The following PHF21B variants were observed in gnomAD, a reference collection of about 807,000 sequenced individuals.
PHF21B encodes PHD finger protein 4.
In PHF21B, 22 loss-of-function variants were observed where a neutral mutation model predicts 62.2. The observed-to-expected ratio is 0.35, with a 90% CI of 0.25 to 0.51. PHF21B has a LOEUF of 0.51. Ranked by LOEUF, PHF21B falls within the 20% of genes least tolerant of loss-of-function variation. The pLI is 0.97. For synonymous variants in PHF21B, 341 were observed against 314.7 expected, an observed-to-expected ratio of 1.08 and a Z score of -0.88; for missense variants, 701 against 707.9, an observed-to-expected ratio of 0.99 and a Z score of 0.11.
intron 2 of PHF21B, among the ~76,000 whole-genome samples, chr22:44,987,382 A>C (rs1245906531): frequency 6.6e-6 from 1 of 152,182 alleles, no homozygotes; most frequent in Non-Finnish European, 1.5e-5. Context: ...GGCCAGGCTG[A>C]GAGGCACCAG....
At chr22:44,892,922 T>G (rs983428563) in intron 7 of PHF21B, among the ~76,000 whole-genome samples, 3 of 152,202 alleles carry the variant, frequency 2.0e-5, no homozygotes, top group Non-Finnish European at 4.4e-5. Flanking sequence ...TGGACCGATT[T>G]TGGTGTAGGC....
chr22:44,987,088 G>A (rs1197885956), intron 2 of PHF21B, among the ~76,000 whole-genome samples: 1 of 152,202 alleles, frequency 6.6e-6, no homozygotes, highest in Admixed American at 6.5e-5. Context: ...ACGCACAGAA[G>A]AGTAACATAA....
intron 2 of PHF21B, among the ~76,000 whole-genome samples, chr22:44,994,416 G>A (rs2073087922): frequency 6.6e-6 from 1 of 152,234 alleles, no homozygotes; most frequent in Non-Finnish European, 1.5e-5. Flanking sequence ...TTCAAGCCAA[G>A]GACTTCCAGA....
intron 5 of PHF21B, among the ~76,000 whole-genome samples, chr22:44,897,101 A>C (rs2071074968): frequency 1.3e-5 from 2 of 150,418 alleles, no homozygotes; most frequent in Admixed American, 1.3e-4. Flanking sequence ...CTGGTCTTGA[A>C]CTCCTGGGTG....
At chr22:44,914,164 G>T in intron 4 of PHF21B, 76 bp from the exon 5 acceptor site, 1 of 574,344 alleles carries the variant, frequency 1.7e-6, no homozygotes, top group Non-Finnish European at 3.1e-6. Flanking sequence ...GTATGGCACA[G>T]GGCAGGGGTT....
chr22:44,900,853 C>T (rs1434511034), intron 5 of PHF21B, among the ~76,000 whole-genome samples: 2 of 150,368 alleles, frequency 1.3e-5, no homozygotes, highest in African/African-American at 4.9e-5. Flanking sequence ...AGTAACTTCA[C>T]TGGGTGTGTC....
chr22:44,941,505 G>A (rs1027262372), intron 2 of PHF21B, among the ~76,000 whole-genome samples: 1 of 152,202 alleles, frequency 6.6e-6, no homozygotes, highest in African/African-American at 2.4e-5. Context: ...AGCGGCGGAG[G>A]AGGTGGGTCA....
chr22:44,951,951 C>T (rs767678882), intron 2 of PHF21B, among the ~76,000 whole-genome samples: 12 of 152,116 alleles, frequency 7.9e-5, no homozygotes, highest in Non-Finnish European at 1.5e-4. Flanking sequence ...ATAAAGATTC[C>T]GAGTAACAGT....
At chr22:44,897,529 T>C (rs1438326179) in intron 5 of PHF21B, among the ~76,000 whole-genome samples, 1 of 152,206 alleles carries the variant, frequency 6.6e-6, no homozygotes, top group Non-Finnish European at 1.5e-5. Context: ...GAACAACTCC[T>C]GGAGCCTCAC....
chr22:44,933,497 G>C, intron 2 of PHF21B: 6 of 985,482 alleles, frequency 6.1e-6, no homozygotes, highest in Non-Finnish European at 6.0e-6. Context: ...CTTGTGCACA[G>C]ATGAGAGGTT....
chr22:44,932,284 C>T (rs2071757753), intron 2 of PHF21B, among the ~76,000 whole-genome samples: 1 of 152,230 alleles, frequency 6.6e-6, no homozygotes, highest in African/African-American at 2.4e-5. Flanking sequence ...TGCTGCCTCT[C>T]TTGAGCCTGA....
intron 2 of PHF21B, among the ~76,000 whole-genome samples, chr22:44,967,516 C>T (rs939390015): frequency 1.4e-4 from 22 of 152,248 alleles, no homozygotes; most frequent in African/African-American, 5.1e-4. Context: ...CCACTGTGCC[C>T]GGCCAGTCTT....
intron 2 of PHF21B, among the ~76,000 whole-genome samples, chr22:44,976,229 T>A (rs1406019168): frequency 6.6e-6 from 1 of 152,268 alleles, no homozygotes; most frequent in Non-Finnish European, 1.5e-5. Context: ...TACAGTAGGA[T>A]ATTTTGATGC....
At chr22:44,903,742 T>C (rs902521278) in intron 5 of PHF21B, among the ~76,000 whole-genome samples, 10 of 152,246 alleles carry the variant, frequency 6.6e-5, no homozygotes, top group African/African-American at 2.4e-4. Context: ...TATGGTACAC[T>C]TAAGTTCGTG....
chr22:44,893,470 A>G lies in PHF21B; in HGVS notation c.947T>C (p.Leu316Pro). 5.6e-6 allele frequency: 9 copies of G among 1,600,018 alleles called. No homozygotes were observed. The highest frequency in any genetic ancestry group is 7.7e-6 in the Non-Finnish European group (9 of 1,173,578). Residue 316 changes from leucine (L) to proline (P), a missense_variant, in exon 7 of 13, where the codon CTC (leucine) becomes CCC (proline). Coordinates refer to ENST00000313237, the MANE Select transcript of PHF21B (RefSeq NM_138415.5). Reference sequence around the variant, plus strand: ...CGGGTTCCCCACCTCGGTCTCCAGGAGGCCGCTGTAGGCAGGGTTGGCTGT... The same window carrying G: ...CGGGTTCCCCACCTCGGTCTCCAGGGGGCCGCTGTAGGCAGGGTTGGCTGT... ...RSTANPAYSG[L>P]LETERKRLAS...
chr22:44,956,830 C>CCCT (rs1193056807), intron 2 of PHF21B, among the ~76,000 whole-genome samples: 1 of 152,200 alleles, frequency 6.6e-6, no homozygotes, highest in Non-Finnish European at 1.5e-5. Flanking sequence ...GGTGGGCTCT[C>CCCT]CCTCCTCCTC....
chr22:44,888,440 C>T (rs1234987316), intron 9 of PHF21B, among the ~76,000 whole-genome samples: 1 of 152,108 alleles, frequency 6.6e-6, no homozygotes, highest in Non-Finnish European at 1.5e-5. Flanking sequence ...CAGGTGCGGG[C>T]GACAAGGCAG....
At chr22:44,995,604 C>T (rs913390675) in intron 2 of PHF21B, among the ~76,000 whole-genome samples, 1 of 152,262 alleles carries the variant, frequency 6.6e-6, no homozygotes, top group Non-Finnish European at 1.5e-5. Context: ...ACTGTAGAAC[C>T]AAGGTCTTGA....
intron 2 of PHF21B, among the ~76,000 whole-genome samples, chr22:44,943,091 C>T (rs903240343): frequency 6.6e-6 from 1 of 151,922 alleles, no homozygotes; most frequent in African/African-American, 2.4e-5. Context: ...ACCGCCTCTG[C>T]CCCCCAAGCC....
Sources: allele counts gnomAD v4.1 joint callset (sites outside exome capture counted in the v4.1 genomes callset), GRCh38; gene constraint gnomAD v4.1.1; transcripts MANE v1.5; gene names NCBI Gene and HGNC (gene_info 2026-07-23, HGNC 2026-07-21).